Variants in ZNF350 observed in about 807,000 individuals in gnomAD.
The protein encoded by ZNF350 is KRAB zinc finger protein ZFQR.
A neutral mutation model predicts 13.1 loss-of-function variants in ZNF350; 5 were observed. The ratio of observed to expected loss-of-function variants is 0.38; its 90% CI spans 0.20 to 0.80. ZNF350 has a LOEUF of 0.80. Ranked by LOEUF, ZNF350 falls within the 30% of genes least tolerant of loss-of-function variation. ZNF350 has a pLI of 0.43. For missense variants in ZNF350, 534 were observed against 644.2 expected (o/e 0.83, Z 1.85); for synonymous variants, 199 against 224.2 (o/e 0.89, Z 1.00).
intron 1 of ZNF350, chr19:51,981,863 C>CT (rs2086054013): frequency 6.6e-6 from 1 of 152,010 alleles, no homozygotes; most frequent in Non-Finnish European, 1.5e-5. Context: ...AGACTAAAGA[C>CT]TTTAACAGAC....
chr19:51,968,837 G>A (rs768737584), intron 3 of ZNF350, among the ~76,000 whole-genome samples, 164 bp from the exon 4 acceptor site: 3 of 152,072 alleles, frequency 2.0e-5, no homozygotes, highest in Non-Finnish European at 4.4e-5. Flanking sequence ...TAACATCAAG[G>A]TTTTTCTCTT....
chr19:51,968,384 G>A (rs773642669), intron 4 of ZNF350, 194 bp downstream of exon 4: 3 of 603,262 alleles, frequency 5.0e-6, no homozygotes, highest in Non-Finnish European at 8.8e-6. Flanking sequence ...GATCTCTGAG[G>A]AGATAAAGAG....
chr19:51,983,622 G>T (rs1028308222), intron 1 of ZNF350, among the ~76,000 whole-genome samples: 14 of 152,032 alleles, frequency 9.2e-5, no homozygotes, highest in African/African-American at 3.4e-4. Context: ...TCTGGCCTAC[G>T]TACACATCAA....
chr19:51,983,439 A>G lies in ZNF350; in HGVS notation c.-172+3331T>C, dbSNP rs545664727. On this transcript the variant is annotated intron_variant, in intron 1 of 4. Transcript: ENST00000243644. The stretch of plus-strand genomic sequence containing the variant: ...GACCTCTTTACAGTTAAAATAAGAG[A>G]AAGCCATCTGTCTCCTGCTCCTCCC... Among the ~76,000 whole-genome samples, 8 of 152,326 alleles carry G rather than the reference A, an allele frequency of 5.3e-5. No individual in the cohort carries two copies. The East Asian group carries it at 1.4e-3, about 26-fold the overall frequency.
intron 1 of ZNF350, among the ~76,000 whole-genome samples, chr19:51,975,285 A>G (rs1267567319): frequency 6.6e-6 from 1 of 152,182 alleles, no homozygotes; most frequent in Non-Finnish European, 1.5e-5. Flanking sequence ...CCTAGCCAAC[A>G]TGGTGAAACC....
At chr19:51,984,878 G>C (rs2086131981) in intron 1 of ZNF350, among the ~76,000 whole-genome samples, 1 of 152,024 alleles carries the variant, frequency 6.6e-6, no homozygotes, top group Non-Finnish European at 1.5e-5. Context: ...CAACAGGAAA[G>C]ACCCTCACCA....
At chr19:51,981,754 G>T (rs576126061) in intron 1 of ZNF350, among the ~76,000 whole-genome samples, 2 of 152,198 alleles carry the variant, frequency 1.3e-5, no homozygotes, top group East Asian at 3.9e-4. Context: ...GTGAAATTTG[G>T]CTCTTCATTC....
intron 2 of ZNF350, chr19:51,974,032 C>T (rs1406261792): frequency 4.1e-6 from 1 of 241,468 alleles, no homozygotes; most frequent in Non-Finnish European, 8.2e-6. Context: ...ACAGGACATA[C>T]CATGTAAATT....
Position 51,964,975 on chromosome 19 carries a change from C to G in ZNF350, c.1478G>C (p.Arg493Thr), listed in dbSNP as rs2085522355. ...TCTGTTATCTCCTGAGGCTGCACATCTGACCACTGGCTGTCCCACAAGGAC... is the reference window on the plus strand; with the variant it reads ...TCTGTTATCTCCTGAGGCTGCACATGTGACCACTGGCTGTCCCACAAGGAC... Reference protein sequence around the residue: ...NVVLVGQPVVRCAASGDNRGF... With the variant: ...NVVLVGQPVVTCAASGDNRGF... Residue 493 changes from arginine to threonine, a missense_variant, in exon 5 of 5, where the codon AGA becomes ACA. Physicochemically the swap from Arg to Thr is moderately conservative, Grantham distance 71 (BLOSUM62 -1). Coordinates refer to ENST00000243644, the MANE Select transcript of ZNF350 (RefSeq NM_021632.4). 6.2e-7 allele frequency: 1 copy of G among 1,614,114 alleles called. No individual in the cohort carries two copies. Among genetic ancestry groups the G allele is most frequent in the African/African-American group, 1.3e-5 (1 of 74,932 alleles).
rs768047677 is a variant in ZNF350, at chr19:51,965,269, G to C, written c.1184C>G (p.Thr395Ser). 2.5e-6 allele frequency: 4 copies of C among 1,613,884 alleles called. No homozygotes were observed. The highest frequency in any genetic ancestry group is 1.7e-5 in the Admixed American group (1 of 59,994). ...GCCATAGGGTCTCTCTCCTGTATGA[G>C]TCCTTTGATGGACAATGAGCTTTTG... ...TKQKLIVHQR[T>S]HTGERPYGCN... The change falls in exon 5 of 5, where the codon ACT (threonine) becomes AGT (serine). Residue 395 changes from threonine to serine, a missense_variant. Thr to Ser is a moderately conservative substitution (Grantham distance 58, BLOSUM62 1). Transcript: ENST00000243644.
At position 51,965,226 on chromosome 19, in the gene ZNF350, T is replaced by G. The variant is rs1286592688; in HGVS notation, c.1227A>C (p.Lys409Asn). The G allele has an allele frequency of 4.3e-6, 7 of 1,614,092 alleles. No individual in the cohort carries two copies. In the Admixed American group the frequency reaches 1.0e-4, roughly 23 times the overall value. The change falls in exon 5 of 5, where the codon AAA becomes AAC. Residue 409 changes from lysine to asparagine, a missense_variant. Transcript: ENST00000243644. The part of the protein sequence containing the change: ...ERPYGCNECG[K>N]AFAYMSCLVK... ...CCAGACACGACATATACGCAAACGC[T>G]TTCCCACACTCGTTACAGCCATAGG... is the stretch of plus-strand genomic sequence containing the variant.
chr19:51,982,153 C>T (rs1026396373), intron 1 of ZNF350: 1 of 151,976 alleles, frequency 6.6e-6, no homozygotes, highest in Non-Finnish European at 1.5e-5. Flanking sequence ...TATGTAGGCT[C>T]TAGACTAACT....
rs552810824 is a variant in ZNF350, at chr19:51,976,162, G to A, written c.-171-1631C>T. 6.2e-4 allele frequency among the ~76,000 whole-genome samples: 91 copies of A among 147,054 alleles called. No individual in the cohort carries two copies. The highest frequency in any genetic ancestry group is 4.6e-3 in the Admixed American group (68 of 14,892). On this transcript the variant is annotated intron_variant, in intron 1 of 4. Coordinates refer to ENST00000243644, the MANE Select transcript of ZNF350 (RefSeq NM_021632.4). This position sits in a 1 kb window ranked among gnomAD's most constrained non-coding sequence, Gnocchi z 4.5. ...AAGACTACTCTGGACCCCTGGCGCCGTTATCTACTGCGACATCTAGAGAAT... is the reference window on the plus strand; with the variant it reads ...AAGACTACTCTGGACCCCTGGCGCCATTATCTACTGCGACATCTAGAGAAT...
chr19:51,974,501 GTTA>G lies in ZNF350; in HGVS notation c.-144_-142del. ...CCAAATCCACTTCCTCCCTCTTCAG[GTTA>G]TGTTTTTTGCTCCTGAGGAGTCAGA... On this transcript the variant is annotated 5_prime_UTR_variant, in exon 2 of 5. Coordinates refer to ENST00000243644, the MANE Select transcript of ZNF350 (RefSeq NM_021632.4). 9.7e-7 allele frequency: 1 copy of G among 1,032,342 alleles called. No individual in the cohort carries two copies. The highest frequency in any genetic ancestry group is 1.4e-6 in the Non-Finnish European group (1 of 690,612). 63.9% of individuals were successfully genotyped at this position (1,032,342 alleles called of 1,614,324 possible). A position where few individuals can be genotyped will look rare whatever the true frequency, so the allele number is the denominator to read the frequency against.
chr19:51,985,562 A>T (rs570712283), intron 1 of ZNF350, among the ~76,000 whole-genome samples: 6 of 152,308 alleles, frequency 3.9e-5, no homozygotes, highest in African/African-American at 1.4e-4. Flanking sequence ...TAGCAATGGC[A>T]ATTGGAACCA....
intron 1 of ZNF350, chr19:51,980,944 A>T (rs988011004): frequency 9.2e-5 from 14 of 152,204 alleles, no homozygotes; most frequent in Non-Finnish European, 1.9e-4. Flanking sequence ...AATCGGATGG[A>T]CCACCAATTG....
rs1383646657 is a variant in ZNF350, at chr19:51,964,481, CAT to C, written c.*371_*372del. Reference sequence around the variant, plus strand: ...CTGGTCTAAGGAAACTGAATTGACACATATGTGTCCCACATTCCACCATTACA... The same window carrying C: ...CTGGTCTAAGGAAACTGAATTGACACATGTGTCCCACATTCCACCATTACA... On this transcript the variant is annotated 3_prime_UTR_variant, in exon 5 of 5. Transcript: ENST00000243644. 6.6e-5 allele frequency: 15 copies of C among 225,626 alleles called. No homozygotes were observed. The Middle Eastern group carries it at 7.0e-3, about 105-fold the overall frequency. The allele number at this position is 225,626 out of a possible 1,614,324, so 14.0% of individuals were successfully genotyped here.
chr19:51,975,344 G>A lies in ZNF350; in HGVS notation c.-171-813C>T, dbSNP rs949308736. On this transcript the variant is annotated intron_variant, in intron 1 of 4. Coordinates refer to ENST00000243644, the MANE Select transcript of ZNF350 (RefSeq NM_021632.4). ...TTCCAGAAGCTGAGGCAGAAGAATT[G>A]CTTGAATCCGGGAGATGGAGGTTGC... Among the ~76,000 whole-genome samples the A allele has an allele frequency of 2.8e-4, 42 of 148,926 alleles. 1 individual carries two copies. The highest frequency in any genetic ancestry group is 3.8e-4 in the Non-Finnish European group (26 of 67,750).
At position 51,965,956 on chromosome 19, in the gene ZNF350, T is replaced by G. The variant is rs1258324430; in HGVS notation, c.497A>C (p.His166Pro). The change falls in exon 5 of 5, where the codon CAT (histidine) becomes CCT (proline). Residue 166 changes from histidine to proline, a missense_variant. Transcript: ENST00000243644. Reference protein sequence around the residue: ...EFTGNGDSFLHANHERLHTAI... With the variant: ...EFTGNGDSFLPANHERLHTAI... Reference sequence around the variant, plus strand: ...AGTATGAAGTCGTTCATGGTTAGCATGAAGAAAGGAGTCCCCATTTCCAGT... The same window carrying G: ...AGTATGAAGTCGTTCATGGTTAGCAGGAAGAAAGGAGTCCCCATTTCCAGT... The G allele has an allele frequency of 3.7e-6, 6 of 1,613,992 alleles. No homozygotes were observed.
Sources: gnomAD v4.1 joint callset for allele counts (sites outside exome capture counted in the v4.1 genomes callset) on GRCh38, gnomAD v4.1.1 for gene constraint, Gnocchi (gnomAD v3.1) non-coding constraint, MANE v1.5 for transcripts, NCBI Gene and HGNC (gene_info 2026-07-23, HGNC 2026-07-21) for gene names.